The following CENPI variants were observed in gnomAD, a reference collection of about 807,000 sequenced individuals.
CENPI encodes the protein FSH primary response 1.
In CENPI, 4 loss-of-function variants were observed where a neutral mutation model predicts 60.4. That is an observed-to-expected ratio of 0.07 (90% CI 0.03 to 0.15). CENPI has a LOEUF of 0.15. CENPI is among the 10% of genes least tolerant of loss of function. The pLI, the probability that CENPI is intolerant of heterozygous loss-of-function variation, is 1.00. For missense variants in CENPI, 444 were observed against 534.5 expected (o/e 0.83, Z 1.67); for synonymous variants, 157 against 189.4 (o/e 0.83, Z 1.40).
intron 21 of CENPI, 37 bp downstream of exon 21, chrX:101,161,606 A>G (rs376321876): frequency 2.9e-5 from 32 of 1,104,237 alleles, no homozygotes; most frequent in Non-Finnish European, 4.0e-5. Flanking sequence ...GAGGGATTTC[A>G]TACAGCTTAA....
chrX:101,130,131 T>C (rs1473947573), intron 13 of CENPI, 58 bp downstream of exon 13: 1 of 900,353 alleles, frequency 1.1e-6, no homozygotes, highest in African/African-American at 1.9e-5. Context: ...TTTATTTAGA[T>C]ATCCATTGAA....
intron 4 of CENPI, among the ~76,000 whole-genome samples, chrX:101,109,011 T>A (rs1219649843): frequency 4.6e-5 from 5 of 109,127 alleles, no homozygotes; most frequent in African/African-American, 1.7e-4. Context: ...TTAATAATGA[T>A]AAGAGATACT....
At chrX:101,098,945 C>T (rs192176586) in intron 2 of CENPI, 2 of 111,773 alleles carry the variant, frequency 1.8e-5, no homozygotes, top group East Asian at 2.8e-4. Context: ...CCAATATGAA[C>T]TTAGTCCCTG....
At chrX:101,128,384 G>C (rs1210951936) in intron 11 of CENPI, among the ~76,000 whole-genome samples, 1 of 110,077 alleles carries the variant, frequency 9.1e-6, no homozygotes, top group Non-Finnish European at 1.9e-5. Context: ...TGTGGTTCCA[G>C]CTACTCAAGA....
chrX:101,158,596 G>A (rs745923390), intron 20 of CENPI, among the ~76,000 whole-genome samples: 1 of 106,418 alleles, frequency 9.4e-6, no homozygotes, highest in Admixed American at 1.0e-4. Flanking sequence ...TTTAAGTAGG[G>A]TTGTAAAGTG....
the CENPI span, among the ~76,000 whole-genome samples, chrX:101,176,754 C>T: frequency 1.8e-4 from 20 of 112,875 alleles, no homozygotes; most frequent in South Asian, 3.6e-4. Flanking sequence ...TCCTTTGCTG[C>T]GCAAAAGTTT....
At chrX:101,170,062 AG>A (rs1257486605), downstream of CENPI, among the ~76,000 whole-genome samples, 1 of 111,832 alleles carries the variant, frequency 8.9e-6, no homozygotes, top group Non-Finnish European at 1.9e-5. Flanking sequence ...AGTGTTTATA[AG>A]GTCTACAGTA....
chrX:101,143,388 G>A (rs1453652098), intron 16 of CENPI, among the ~76,000 whole-genome samples: 1 of 111,689 alleles, frequency 9.0e-6, no homozygotes, highest in Non-Finnish European at 1.9e-5. Context: ...AATACCCATA[G>A]GTACTGTAAG....
At position 101,144,087 on chromosome X, in the gene CENPI, C is replaced by CTTTTTTTT. The variant is rs58858609; in HGVS notation, c.1566-966_1566-959dup. Among the ~76,000 whole-genome samples the CTTTTTTTT allele has an allele frequency of 1.6e-3, 128 of 79,572 alleles. 1 individual carries two copies. The highest frequency in any genetic ancestry group is 3.0e-3 in the African/African-American group (58 of 19,312). The allele number at this position is 79,572 out of a possible 115,157, so 69.1% of individuals were successfully genotyped here. A position where few individuals can be genotyped will look rare whatever the true frequency, so the allele number is the denominator to read the frequency against. On this transcript the variant is annotated intron_variant, in intron 16 of 21. Coordinates refer to ENST00000682095, the MANE Select transcript of CENPI (RefSeq NM_001386188.2). ...ATTTTATCCTGAATATTTTCTTTTT[C>CTTTTTTTT]TTTTTTTTTTTTTTTTTTGAGACAG...
chrX:101,115,038 A>C (rs1475066341), intron 6 of CENPI, among the ~76,000 whole-genome samples: 1 of 109,490 alleles, frequency 9.1e-6, no homozygotes, highest in South Asian at 4.0e-4. Context: ...ATCTCAGCTC[A>C]CTGCAACGTC....
At position 101,139,991 on chromosome X, in the gene CENPI, C is replaced by T. The variant is rs896793485; in HGVS notation, c.1471-675C>T. Among the ~76,000 whole-genome samples, 9 of 110,306 alleles carry T rather than the reference C, an allele frequency of 8.2e-5. No homozygotes were observed. In the South Asian group the frequency reaches 1.2e-3, roughly 14 times the overall value. ...TTGGGACTACAGGCGCCCGCCACCACGCCTGGCTAATTTTTTTTGTATTTT... is the reference window on the plus strand; with the variant it reads ...TTGGGACTACAGGCGCCCGCCACCATGCCTGGCTAATTTTTTTTGTATTTT... On this transcript the variant is annotated intron_variant, in intron 15 of 21. Transcript: ENST00000682095.
the CENPI span, among the ~76,000 whole-genome samples, chrX:101,172,343 G>C: frequency 2.7e-5 from 3 of 111,601 alleles, no homozygotes; most frequent in Non-Finnish European, 5.6e-5. Flanking sequence ...ACAAAAGTTT[G>C]AACACAGATT....
chrX:101,132,336 T>G (rs1249507909), intron 14 of CENPI, 29 bp downstream of exon 14: 1 of 1,184,030 alleles, frequency 8.4e-7, no homozygotes. Flanking sequence ...TGGAGTCATT[T>G]GATTCAACGT....
chrX:101,148,382 C>G, intron 20 of CENPI, among the ~76,000 whole-genome samples: 1 of 111,528 alleles, frequency 9.0e-6, no homozygotes. Flanking sequence ...CAGAGACAGA[C>G]TTGTAAACAA....
chrX:101,174,665 G>T, the CENPI span, among the ~76,000 whole-genome samples: 4 of 110,641 alleles, frequency 3.6e-5, no homozygotes, highest in East Asian at 5.7e-4. Flanking sequence ...GACTACTAGA[G>T]GGGGGAGGGA....
the CENPI span, among the ~76,000 whole-genome samples, chrX:101,177,294 C>T: frequency 5.4e-5 from 6 of 111,702 alleles, no homozygotes; most frequent in African/African-American, 2.0e-4. Flanking sequence ...CAAGATAGTC[C>T]TGAGGCCTGC....
At chrX:101,159,356 G>T (rs1179277880) in intron 20 of CENPI, among the ~76,000 whole-genome samples, 2 of 109,494 alleles carry the variant, frequency 1.8e-5, no homozygotes, top group South Asian at 8.2e-4. Flanking sequence ...TAGAGAGGGG[G>T]TTTCACCGTG....
In CENPI at chrX:101,159,192, C is replaced by T. The variant is rs1031401938; in HGVS notation, c.2095-2336C>T. 3.6e-4 allele frequency among the ~76,000 whole-genome samples: 40 copies of T among 110,409 alleles called. 1 individual carries two copies. The highest frequency in any genetic ancestry group is 1.3e-3 in the African/African-American group (39 of 30,344). On this transcript the variant is annotated intron_variant, in intron 20 of 21. Coordinates refer to ENST00000682095, the MANE Select transcript of CENPI (RefSeq NM_001386188.2). ...GACCCTTTTTTTTGAGACAGAGTCT[C>T]GCTCTGTCGCCCAGGCTGGAGTGCA...
At chrX:101,142,462 G>A (rs2089922871) in intron 16 of CENPI, among the ~76,000 whole-genome samples, 1 of 111,441 alleles carries the variant, frequency 9.0e-6, no homozygotes, top group Non-Finnish European at 1.9e-5. Flanking sequence ...GTGACCATAT[G>A]CCATATCACT....
Sources: allele counts gnomAD v4.1 joint callset (sites outside exome capture counted in the v4.1 genomes callset), GRCh38; gene constraint gnomAD v4.1.1; transcripts MANE v1.5; gene names NCBI Gene and HGNC (gene_info 2026-07-23, HGNC 2026-07-21).